Variants in ASTN2 observed in about 807,000 individuals in gnomAD.
ASTN2 encodes the protein astrotactin-2.
ASTN2 carries 54 observed loss-of-function variants against 139.8 expected under a neutral mutation model. The ratio of observed to expected loss-of-function variants is 0.39; its 90% CI spans 0.31 to 0.48. The LOEUF (loss-of-function observed/expected upper bound fraction) is 0.48, where lower values mean the gene tolerates loss of function less well. Ranked by LOEUF, ASTN2 falls within the 20% of genes least tolerant of loss-of-function variation. The probability of loss-of-function intolerance (pLI) is 0.95; values close to 1 mark genes in which losing one functional copy is unlikely to be tolerated. For missense variants in ASTN2, 1,565 were observed against 1,725.1 expected, an observed-to-expected ratio of 0.91 and a Z score of 1.64; for synonymous variants, 756 against 719.5, an observed-to-expected ratio of 1.05 and a Z score of -0.81.
intron 13 of ASTN2, among the ~76,000 whole-genome samples, chr9:116,803,321 T>C (rs1446172916): frequency 6.7e-6 from 1 of 148,776 alleles, no homozygotes; most frequent in Non-Finnish European, 1.5e-5. Context: ...TGTTCTTTTT[T>C]TTTTTTTAAA....
chr9:117,357,379 TTA>T (rs1564163625), intron 1 of ASTN2, among the ~76,000 whole-genome samples: 1 of 152,092 alleles, frequency 6.6e-6, no homozygotes, highest in Non-Finnish European at 1.5e-5. Context: ...TGAACCTGCA[TTA>T]TGACTTTGAG....
At chr9:117,111,419 A>G (rs913908740) in intron 4 of ASTN2, among the ~76,000 whole-genome samples, 2 of 135,338 alleles carry the variant, frequency 1.5e-5, no homozygotes, top group Admixed American at 1.6e-4. Flanking sequence ...ATATTTTAGA[A>G]CTGAATATGT....
intron 16 of ASTN2, among the ~76,000 whole-genome samples, chr9:116,705,654 G>T (rs1457772069): frequency 6.6e-6 from 1 of 152,150 alleles, no homozygotes; most frequent in Non-Finnish European, 1.5e-5. Flanking sequence ...TATGAGTAAT[G>T]AATGCAAAGA....
chr9:116,430,400 A>G (rs1471869881), intron 22 of ASTN2, among the ~76,000 whole-genome samples: 3 of 152,204 alleles, frequency 2.0e-5, no homozygotes, highest in Non-Finnish European at 2.9e-5. Context: ...TATAACTTAC[A>G]GCTATGTGGT....
intron 2 of ASTN2, among the ~76,000 whole-genome samples, chr9:117,267,491 T>C (rs1439536493): frequency 6.6e-6 from 1 of 152,202 alleles, no homozygotes; most frequent in Non-Finnish European, 1.5e-5. Context: ...TCTCAGTACA[T>C]ACACATATAC....
At chr9:117,383,407 T>C (rs1830319702) in intron 1 of ASTN2, among the ~76,000 whole-genome samples, 1 of 152,236 alleles carries the variant, frequency 6.6e-6, no homozygotes, top group African/African-American at 2.4e-5. Context: ...GTGATAGAAA[T>C]GTTCTCAGTT....
intron 3 of ASTN2, among the ~76,000 whole-genome samples, chr9:117,147,516 C>A (rs182306090): frequency 2.4e-4 from 36 of 151,944 alleles, no homozygotes; most frequent in African/African-American, 8.5e-4. Context: ...GACGTTCCAC[C>A]GATGAAACGC....
At chr9:117,387,239 C>A (rs1830423763) in intron 1 of ASTN2, among the ~76,000 whole-genome samples, 1 of 152,186 alleles carries the variant, frequency 6.6e-6, no homozygotes, top group African/African-American at 2.4e-5. Flanking sequence ...ACACTATATT[C>A]TGTATTTATT....
chr9:116,507,962 C>T (rs1587903738), intron 19 of ASTN2, among the ~76,000 whole-genome samples: 1 of 152,276 alleles, frequency 6.6e-6, no homozygotes, highest in East Asian at 1.9e-4. Flanking sequence ...CATCTTGGCT[C>T]ACCGCAACCT....
intron 3 of ASTN2, among the ~76,000 whole-genome samples, chr9:117,164,917 A>G (rs1830634935): frequency 6.6e-6 from 1 of 152,086 alleles, no homozygotes; most frequent in Non-Finnish European, 1.5e-5. Flanking sequence ...ACTTCTCCCA[A>G]TAACCTGATG....
chr9:117,301,366 G>C (rs1410448063), intron 1 of ASTN2, among the ~76,000 whole-genome samples: 3 of 152,192 alleles, frequency 2.0e-5, no homozygotes, highest in Non-Finnish European at 4.4e-5. Context: ...CTAAAGAATG[G>C]AGACAGGAAC....
chr9:117,378,363 C>A (rs539344379), intron 1 of ASTN2, among the ~76,000 whole-genome samples: 3 of 152,266 alleles, frequency 2.0e-5, no homozygotes, highest in East Asian at 1.9e-4. Context: ...AGCAGGGGAA[C>A]TTTATATGAC....
chr9:116,495,188 C>T (rs935218026), intron 19 of ASTN2, among the ~76,000 whole-genome samples: 3 of 152,176 alleles, frequency 2.0e-5, no homozygotes, highest in East Asian at 1.9e-4. Flanking sequence ...TGCCAGGCAT[C>T]GTGCTGAGAC....
chr9:116,732,593 C>G (rs908328877), intron 14 of ASTN2, among the ~76,000 whole-genome samples: 1 of 152,176 alleles, frequency 6.6e-6, no homozygotes, highest in African/African-American at 2.4e-5. Flanking sequence ...ATCACAAAGG[C>G]AGAGTCGAGA....
At chr9:116,799,501 C>A (rs1353636531) in intron 13 of ASTN2, among the ~76,000 whole-genome samples, 1 of 152,146 alleles carries the variant, frequency 6.6e-6, no homozygotes, top group Admixed American at 6.6e-5. Flanking sequence ...GCAGACCCAT[C>A]TTATTTATGA....
At chr9:116,652,639 G>A (rs138384301) in intron 16 of ASTN2, among the ~76,000 whole-genome samples, 10 of 152,238 alleles carry the variant, frequency 6.6e-5, no homozygotes, top group Admixed American at 6.5e-5. Flanking sequence ...GTATCCAAGT[G>A]ACTCCAATGA....
At position 117,180,646 on chromosome 9, in the gene ASTN2, G is replaced by T. The variant is rs1357390890; in HGVS notation, c.1015+33712C>A. On this transcript the variant is annotated intron_variant, in intron 3 of 22. Coordinates refer to ENST00000313400, the MANE Select transcript of ASTN2 (RefSeq NM_001365068.1). ...GAGTATCTTTTTTTTTTTTTTTTTGGACAGGAAGTAGAATTTATTGGTGAG... is the reference window on the plus strand; with the variant it reads ...GAGTATCTTTTTTTTTTTTTTTTTGTACAGGAAGTAGAATTTATTGGTGAG... 220 of 1,153,672 alleles carry T rather than the reference G, an allele frequency of 1.9e-4. 4 individuals are homozygous for T. In the African/African-American group the frequency reaches 3.4e-3, roughly 18 times the overall value. 71.5% of individuals were successfully genotyped at this position (1,153,672 alleles called of 1,614,324 possible).
chr9:117,307,887 G>C (rs1011855689), intron 1 of ASTN2, among the ~76,000 whole-genome samples: 4 of 152,118 alleles, frequency 2.6e-5, no homozygotes, highest in African/African-American at 9.7e-5. Context: ...CCTCTCCTGC[G>C]GTCTCCTGAA....
At chr9:116,878,189 C>T (rs1235009991) in intron 10 of ASTN2, among the ~76,000 whole-genome samples, 1 of 152,162 alleles carries the variant, frequency 6.6e-6, no homozygotes, top group Non-Finnish European at 1.5e-5. Context: ...CATCATTTGA[C>T]CCCCTGTTAC....
Sources: gnomAD v4.1 joint callset for allele counts (sites outside exome capture counted in the v4.1 genomes callset) on GRCh38, gnomAD v4.1.1 for gene constraint, MANE v1.5 for transcripts, NCBI Gene and HGNC (gene_info 2026-07-23, HGNC 2026-07-21) for gene names.